RYR3: variants seen among roughly 807,000 people sequenced by gnomAD.
RYR3 encodes ryanodine receptor 3, also known as brain ryanodine receptor-calcium release channel.
RYR3 carries 207 observed loss-of-function variants against 584.3 expected under a neutral mutation model. The ratio of observed to expected loss-of-function variants is 0.35; its 90% confidence interval spans 0.32 to 0.40. RYR3 has a LOEUF of 0.40. Among genes scored for constraint, RYR3 ranks in the 10% least tolerant of loss-of-function variants. The probability of loss-of-function intolerance (pLI) is 1.00; values close to 1 mark genes in which losing one functional copy is unlikely to be tolerated. For synonymous variants in RYR3, 2,416 were observed against 2,248.5 expected (o/e 1.07, Z -2.11); for missense variants, 5,616 against 6,089.2 (o/e 0.92, Z 2.59).
At chr15:33,488,658 C>T (rs1288834312) in intron 2 of RYR3, among the ~76,000 whole-genome samples, 1 of 152,070 alleles carries the variant, frequency 6.6e-6, no homozygotes, top group Non-Finnish European at 1.5e-5. Flanking sequence ...CGAGACCATC[C>T]TGGCCAACAT....
At chr15:33,461,914 T>A (rs2048069297) in intron 1 of RYR3, among the ~76,000 whole-genome samples, 1 of 152,214 alleles carries the variant, frequency 6.6e-6, no homozygotes, top group African/African-American at 2.4e-5. Flanking sequence ...ATGCCATGCC[T>A]GCCTTGTTCA....
At chr15:33,706,871 A>C (rs371675006) in intron 42 of RYR3, 48 bp from the exon 43 acceptor site, 151 of 1,517,410 alleles carry the variant, frequency 1.0e-4, no homozygotes, top group Non-Finnish European at 1.3e-4. Flanking sequence ...GTTTTTTAAT[A>C]GCCATCCTAA....
At chr15:33,748,331 G>A in intron 54 of RYR3, 71 bp downstream of exon 54, 1 of 1,577,950 alleles carries the variant, frequency 6.3e-7, no homozygotes, top group South Asian at 1.1e-5. Context: ...TGTTCTGCCT[G>A]GGGCATCGTA....
chr15:33,580,233 G>A (rs1321828068), intron 13 of RYR3, 89 bp downstream of exon 13: 4 of 1,108,156 alleles, frequency 3.6e-6, no homozygotes, highest in Admixed American at 2.4e-5. Flanking sequence ...CTTTCTGCAT[G>A]CACGTGTTTA....
At chr15:33,717,259 G>C (rs1175278616) in intron 43 of RYR3, among the ~76,000 whole-genome samples, 3 of 152,054 alleles carry the variant, frequency 2.0e-5, no homozygotes, top group Non-Finnish European at 4.4e-5. Context: ...GTATATCTTG[G>C]TTATCTACCT....
chr15:33,357,037 C>A lies in RYR3; in HGVS notation c.51+45941C>A, dbSNP rs1403930934. ...GAAGTGGAAGGTGTCGTGTCCCATC[C>A]TTCACTTGTCTATCTCACCTGCTTT... is the stretch of plus-strand genomic sequence containing the variant. On this transcript the variant is annotated intron_variant, in intron 1 of 103. Transcript: ENST00000634891. 9.5e-4 allele frequency among the ~76,000 whole-genome samples: 144 copies of A among 152,240 alleles called. 1 individual carries two copies. The highest frequency in any genetic ancestry group is 3.1e-4 in the Non-Finnish European group (21 of 68,030).
intron 2 of RYR3, among the ~76,000 whole-genome samples, chr15:33,478,678 C>A (rs181821586): frequency 1.2e-4 from 18 of 152,190 alleles, no homozygotes; most frequent in African/African-American, 4.1e-4. Context: ...TAACACTTAC[C>A]CCACAGTAAT....
At chr15:33,595,129 G>C (rs941996066) in intron 16 of RYR3, among the ~76,000 whole-genome samples, 3 of 152,106 alleles carry the variant, frequency 2.0e-5, no homozygotes, top group African/African-American at 7.2e-5. Flanking sequence ...AATATAAAAG[G>C]TTTAAAACAC....
intron 53 of RYR3, among the ~76,000 whole-genome samples, chr15:33,746,679 G>A (rs544810877): frequency 3.3e-5 from 5 of 152,080 alleles, no homozygotes; most frequent in Admixed American, 6.5e-5. Flanking sequence ...GCTTGAAACC[G>A]GGAGGCAGAG....
chr15:33,791,361 GACACAC>G (rs3086244), intron 67 of RYR3, among the ~76,000 whole-genome samples: 6 of 150,470 alleles, frequency 4.0e-5, no homozygotes, highest in African/African-American at 7.3e-5. Context: ...GACTGTGTGT[GACACAC>G]ACACACACAC....
chr15:33,608,781 C>T lies in RYR3; in HGVS notation c.2165-4402C>T, dbSNP rs377198820. Among the ~76,000 whole-genome samples, 14 of 152,308 alleles carry T rather than the reference C, an allele frequency of 9.2e-5. 1 individual carries two copies. Among genetic ancestry groups the T allele is most frequent in the African/African-American group, 3.1e-4 (13 of 41,572 alleles). On this transcript the variant is annotated intron_variant, in intron 18 of 103. Coordinates refer to ENST00000634891, the MANE Select transcript of RYR3 (RefSeq NM_001036.6). The stretch of plus-strand genomic sequence containing the variant: ...GCAAATGTTCCAAAGGAAACGTCTA[C>T]GTTGAGCCCAGTCTCTTAGAGAAAA...
intron 2 of RYR3, among the ~76,000 whole-genome samples, chr15:33,481,789 CTTTTT>C (rs59354808): frequency 0.095 from 13,300 of 139,286 alleles, 683 homozygotes; most frequent in Non-Finnish European, 0.12. Flanking sequence ...GCCTTGAATA[CTTTTT>C]TTTTTTTTTT....
chr15:33,778,617 C>A (rs2074179984), intron 64 of RYR3, among the ~76,000 whole-genome samples: 1 of 152,234 alleles, frequency 6.6e-6, no homozygotes, highest in South Asian at 2.1e-4. Flanking sequence ...GGCCTGGGGC[C>A]TGCCCAGAAG....
At chr15:33,539,227 G>C (rs1283905653) in intron 5 of RYR3, 123 bp from the exon 6 acceptor site, 1 of 638,892 alleles carries the variant, frequency 1.6e-6, no homozygotes, top group African/African-American at 1.8e-5. Flanking sequence ...AGAAGTTGAG[G>C]TCTGGAATGT....
At chr15:33,788,554 G>A (rs2074885445) in intron 67 of RYR3, 96 bp downstream of exon 67, 1 of 1,408,868 alleles carries the variant, frequency 7.1e-7, no homozygotes, top group Non-Finnish European at 9.6e-7. Flanking sequence ...TGTTAACAGT[G>A]AGATAAAGGA....
At chr15:33,378,057 C>T (rs113401887) in intron 1 of RYR3, among the ~76,000 whole-genome samples, 4,675 of 152,326 alleles carry the variant, frequency 0.031, 233 homozygotes, top group African/African-American at 0.1. Flanking sequence ...GCTAGGACTA[C>T]AGGTGCAAGC....
chr15:33,853,255 G>A (rs1270595832), intron 95 of RYR3, among the ~76,000 whole-genome samples, 168 bp downstream of exon 95: 6 of 152,122 alleles, frequency 3.9e-5, no homozygotes, highest in African/African-American at 1.2e-4. Context: ...TAGGTTTTTG[G>A]CTTCATTCAT....
In RYR3 at chr15:33,810,865, C is replaced by G. The variant is rs529458786; in HGVS notation, c.10198-113C>G. On this transcript the variant is annotated intron_variant, in intron 71 of 103. Transcript: ENST00000634891. ...TCTCCGGAATATTTTTTCTTTTGTT[C>G]TTCTGATAAAGATCCCAGTGAAACT... is the stretch of plus-strand genomic sequence containing the variant. The G allele has an allele frequency of 1.5e-3, 1,740 of 1,128,328 alleles. 2 individuals are homozygous for G. Among genetic ancestry groups the G allele is most frequent in the Non-Finnish European group, 2.1e-3 (1,593 of 773,038 alleles). 69.9% of individuals were successfully genotyped at this position (1,128,328 alleles called of 1,614,324 possible).
chr15:33,837,728 C>T lies in RYR3; in HGVS notation c.11748C>T (p.Phe3916=). The change falls in exon 89 of 104, where the codon TTC becomes TTT. Residue 3916 remains phenylalanine, a synonymous_variant. Coordinates refer to ENST00000634891, the MANE Select transcript of RYR3 (RefSeq NM_001036.6). The part of the protein sequence containing the change: ...VEMILKFFDM[F]LKLKDLTSSD... Reference sequence around the variant, plus strand: ...TGATCTTGAAATTCTTTGACATGTTCTTGAAACTTAAAGACTTAACCAGCT... The same window carrying T: ...TGATCTTGAAATTCTTTGACATGTTTTTGAAACTTAAAGACTTAACCAGCT... 3 of 1,613,060 alleles carry T rather than the reference C, an allele frequency of 1.9e-6. No individual in the cohort carries two copies. Among genetic ancestry groups the T allele is most frequent in the Non-Finnish European group, 1.7e-6 (2 of 1,179,436 alleles).
Sources: allele counts gnomAD v4.1 joint callset (sites outside exome capture counted in the v4.1 genomes callset), GRCh38; gene constraint gnomAD v4.1.1; transcripts MANE v1.5; gene names NCBI Gene and HGNC (gene_info 2026-07-23, HGNC 2026-07-21).